The following OPA3 variants were observed in gnomAD, a reference collection of about 807,000 sequenced individuals.
The protein encoded by OPA3 is optic atrophy 3 protein.
Under a neutral mutation model 4.0 loss-of-function variants are expected in OPA3, and 6 were observed. That is an observed-to-expected ratio of 1.51 (90% confidence interval 0.83 to 2.99). The LOEUF is 2.99. OPA3 is among the 30% of genes most tolerant of loss of function. The pLI is 0.00. For synonymous variants in OPA3, 105 were observed against 117.1 expected (o/e 0.90, Z 0.67); for missense variants, 235 against 256.2 (o/e 0.92, Z 0.56).
chr19:45,559,376 CTT>C (rs1185641421), intron 1 of OPA3, among the ~76,000 whole-genome samples: 2 of 139,664 alleles, frequency 1.4e-5, no homozygotes, highest in Admixed American at 7.3e-5. Flanking sequence ...TCTTCTCTCT[CTT>C]CTTTCCCTCT....
intron 1 of OPA3, among the ~76,000 whole-genome samples, chr19:45,558,011 G>A (rs528217672): frequency 3.3e-4 from 51 of 152,240 alleles, no homozygotes; most frequent in African/African-American, 1.2e-3. Flanking sequence ...TGTCCCCCAC[G>A]CAGCAATCAG....
chr19:45,561,540 T>C (rs1969503105), intron 1 of OPA3, among the ~76,000 whole-genome samples: 1 of 152,108 alleles, frequency 6.6e-6, no homozygotes. Context: ...TGCTGGCTAC[T>C]GAGAGGCTAA....
rs992230352 is a variant in OPA3 at position 45,552,220 on chromosome 19, T to A, written c.*1294A>T. The A allele has an allele frequency of 2.2e-6, 2 of 899,786 alleles. No homozygotes were observed. Among genetic ancestry groups the A allele is most frequent in the African/African-American group, 4.6e-5 (2 of 43,712 alleles). 55.7% of individuals were successfully genotyped at this position (899,786 alleles called of 1,614,324 possible). The stretch of plus-strand genomic sequence containing the variant: ...ACTGCAGGCCAGGACCTTTTGTGGG[T>A]TTTTTTAAGATGGAGTTTTGCTCGT... On this transcript the variant is annotated 3_prime_UTR_variant, in exon 2 of 2. Coordinates refer to ENST00000263275, the MANE Select transcript of OPA3 (RefSeq NM_025136.4).
At chr19:45,575,771 T>C (rs1051295582) in intron 1 of OPA3, among the ~76,000 whole-genome samples, 13 of 152,088 alleles carry the variant, frequency 8.5e-5, no homozygotes, top group African/African-American at 2.9e-4. Context: ...GCCCCACTAA[T>C]TGTTTTTTAT....
In OPA3 at chr19:45,553,509, A is replaced by G. The variant is rs1223875163; in HGVS notation, c.*5T>C. On this transcript the variant is annotated 3_prime_UTR_variant, in exon 2 of 2. Coordinates refer to ENST00000263275, the MANE Select transcript of OPA3 (RefSeq NM_025136.4). ...GTCCAAATTCAGGTTCCATCCAGCA[A>G]GCTCCTATTTCTTGGACGCAGGCAC... The G allele has an allele frequency of 6.2e-7, 1 of 1,612,974 alleles. No individual in the cohort carries two copies. The highest frequency in any genetic ancestry group is 8.5e-7 in the Non-Finnish European group (1 of 1,179,992).
At chr19:45,581,882 T>A (rs1466128390) in intron 1 of OPA3, among the ~76,000 whole-genome samples, 1 of 152,152 alleles carries the variant, frequency 6.6e-6, no homozygotes, top group African/African-American at 2.4e-5. Flanking sequence ...CACTGCAACC[T>A]CTACCTCCTA....
At chr19:45,561,405 C>T (rs562734837) in intron 1 of OPA3, among the ~76,000 whole-genome samples, 16 of 152,266 alleles carry the variant, frequency 1.1e-4, no homozygotes, top group Non-Finnish European at 2.2e-4. Context: ...CATACGATGG[C>T]TGCTTCCTTG....
intron 1 of OPA3, among the ~76,000 whole-genome samples, chr19:45,571,852 C>T (rs1336157053): frequency 6.6e-6 from 1 of 152,094 alleles, no homozygotes; most frequent in African/African-American, 2.4e-5. Context: ...GGTTAGTTAG[C>T]CCTTCTATTG....
chr19:45,529,811 G>A (rs925886252), intron 1 of OPA3, among the ~76,000 whole-genome samples: 1 of 152,128 alleles, frequency 6.6e-6, no homozygotes, highest in Admixed American at 6.5e-5. Context: ...GCTTACTGCA[G>A]CCTCGAACTC....
chr19:45,530,757 C>G (rs547161234), intron 1 of OPA3, among the ~76,000 whole-genome samples: 2 of 151,174 alleles, frequency 1.3e-5, no homozygotes, highest in South Asian at 2.1e-4. Flanking sequence ...CCATGCCCAG[C>G]CTTTATTTAT....
At chr19:45,545,252 G>A (rs1969236229), downstream of OPA3, among the ~76,000 whole-genome samples, 1 of 151,834 alleles carries the variant, frequency 6.6e-6, no homozygotes, top group East Asian at 1.9e-4. Flanking sequence ...AAAAGGGGCT[G>A]GATGTGGTGG....
intron 1 of OPA3, among the ~76,000 whole-genome samples, chr19:45,561,782 A>C (rs1969506715): frequency 6.6e-6 from 1 of 151,920 alleles, no homozygotes; most frequent in Non-Finnish European, 1.5e-5. Flanking sequence ...CTCTACTAAA[A>C]ATACAAAAAT....
At chr19:45,572,657 A>C (rs1969699901) in intron 1 of OPA3, among the ~76,000 whole-genome samples, 1 of 140,104 alleles carries the variant, frequency 7.1e-6, no homozygotes, top group African/African-American at 2.6e-5. Flanking sequence ...TATATATCAT[A>C]TATATCTATA....
chr19:45,540,976 G>A (rs1461506616), intron 1 of OPA3, among the ~76,000 whole-genome samples: 1 of 152,158 alleles, frequency 6.6e-6, no homozygotes, highest in Non-Finnish European at 1.5e-5. Flanking sequence ...CTGTACTTCT[G>A]AGGTTTTTGA....
intron 1 of OPA3, among the ~76,000 whole-genome samples, chr19:45,565,543 T>G (rs1401904086): frequency 6.6e-6 from 1 of 152,078 alleles, no homozygotes; most frequent in Non-Finnish European, 1.5e-5. Context: ...TGCAGGAGAA[T>G]CGCTTGAACC....
chr19:45,569,743 T>C (rs6509222), intron 1 of OPA3, among the ~76,000 whole-genome samples: 67,573 of 151,558 alleles, frequency 0.45, 16,063 homozygotes, highest in Non-Finnish European at 0.55. Context: ...CACACACGCA[T>C]AGACTTCCTC....
At chr19:45,528,727 T>C (rs1196426543) in exon 2 of OPA3, 4 of 298,288 alleles carry the variant, frequency 1.3e-5, no homozygotes, top group Non-Finnish European at 2.5e-5. Flanking sequence ...CCTGCTGGCC[T>C]ACCTAGCGGT....
chr19:45,579,323 T>A (rs1568411645), intron 1 of OPA3, among the ~76,000 whole-genome samples: 1 of 152,082 alleles, frequency 6.6e-6, no homozygotes, highest in Admixed American at 6.6e-5. Context: ...TGGGTTCAAG[T>A]GATTCTCCTG....
rs575871533 is a variant in OPA3, at chr19:45,553,675, C to T, written c.379G>A (p.Gly127Ser). Residue 127 changes from glycine (G) to serine (S), a missense_variant, in exon 2 of 2, where the codon GGC becomes AGC. By Grantham distance (56) the Gly-to-Ser change is moderately conservative. Transcript: ENST00000263275. ...AAWNALRDEV[G>S]HLALALEALQ... ...GCTTCCAGCGCCAGCGCCAGGTGGC[C>T]CACCTCGTCCCGCAGCGCGTTCCAG... 6.2e-7 allele frequency: 1 copy of T among 1,604,954 alleles called. No homozygotes were observed. The highest frequency in any genetic ancestry group is 8.5e-7 in the Non-Finnish European group (1 of 1,178,436).
Sources: allele counts gnomAD v4.1 joint callset (sites outside exome capture counted in the v4.1 genomes callset), GRCh38; gene constraint gnomAD v4.1.1; transcripts MANE v1.5; gene names NCBI Gene and HGNC (gene_info 2026-07-23, HGNC 2026-07-21).